Variants in SLC4A10 observed in about 807,000 individuals in gnomAD.
SLC4A10 encodes sodium-driven chloride bicarbonate exchanger.
Under a neutral mutation model 137.7 loss-of-function variants are expected in SLC4A10, and 42 were observed. The ratio of observed to expected loss-of-function variants is 0.30; its 90% confidence interval spans 0.24 to 0.39. The LOEUF (loss-of-function observed/expected upper bound fraction) is 0.39, where lower values mean the gene tolerates loss of function less well. Among genes scored for constraint, SLC4A10 ranks in the 10% least tolerant of loss-of-function variants. The pLI is 1.00. For synonymous variants in SLC4A10, 474 were observed against 464.1 expected (o/e 1.02, Z -0.27); for missense variants, 925 against 1,355.0 (o/e 0.68, Z 4.98).
chr2:161,916,600 G>T (rs62188842), intron 15 of SLC4A10, among the ~76,000 whole-genome samples: 10,217 of 152,228 alleles, frequency 0.067, 449 homozygotes, highest in East Asian at 0.13. Context: ...TTTAAGGTAT[G>T]GCTTCATCTG....
chr2:161,707,237 G>A (rs778709121), intron 1 of SLC4A10, among the ~76,000 whole-genome samples: 1 of 151,446 alleles, frequency 6.6e-6, no homozygotes, highest in Non-Finnish European at 1.5e-5. Context: ...GTTAGAGTCA[G>A]TAGTTTTTCT....
intron 1 of SLC4A10, among the ~76,000 whole-genome samples, chr2:161,759,707 A>C (rs2050041097): frequency 6.6e-6 from 1 of 151,940 alleles, no homozygotes; most frequent in Non-Finnish European, 1.5e-5. Flanking sequence ...TCTTTAAAAA[A>C]AATTTTGCTA....
At chr2:161,975,735 G>T (rs756414486) in intron 24 of SLC4A10, among the ~76,000 whole-genome samples, 1 of 152,172 alleles carries the variant, frequency 6.6e-6, no homozygotes, top group Admixed American at 6.5e-5. Flanking sequence ...TGAAAAGGCG[G>T]CATTTGAACA....
chr2:161,723,651 C>T (rs778114322), intron 1 of SLC4A10, among the ~76,000 whole-genome samples: 9 of 152,284 alleles, frequency 5.9e-5, no homozygotes, highest in East Asian at 1.9e-4. Context: ...TGATTTAAAT[C>T]GACTGTTGGT....
intron 15 of SLC4A10, among the ~76,000 whole-genome samples, chr2:161,942,437 T>C (rs184391210): frequency 1.6e-4 from 25 of 152,324 alleles, no homozygotes; most frequent in African/African-American, 5.5e-4. Flanking sequence ...ATCTTCAGAA[T>C]ATGAATTAAA....
intron 8 of SLC4A10, among the ~76,000 whole-genome samples, chr2:161,876,297 T>C (rs890533440): frequency 6.6e-6 from 1 of 152,194 alleles, no homozygotes; most frequent in Non-Finnish European, 1.5e-5. Context: ...TAGTTCAACC[T>C]AGATTCTCTA....
chr2:161,904,653 G>C, intron 13 of SLC4A10, 123 bp from the exon 14 acceptor site: 1 of 1,196,516 alleles, frequency 8.4e-7, no homozygotes, highest in Non-Finnish European at 1.2e-6. Flanking sequence ...GTCTTGCCCA[G>C]GGTTGCTAGA....
intron 1 of SLC4A10, among the ~76,000 whole-genome samples, chr2:161,748,472 G>C (rs2048618865): frequency 6.7e-6 from 1 of 150,204 alleles, no homozygotes; most frequent in Non-Finnish European, 1.5e-5. Flanking sequence ...GTGTGTGTGT[G>C]GTGTAAGATA....
At chr2:161,877,545 T>G (rs1171307350) in intron 8 of SLC4A10, among the ~76,000 whole-genome samples, 1 of 152,056 alleles carries the variant, frequency 6.6e-6, no homozygotes, top group East Asian at 1.9e-4. Flanking sequence ...ATGTGTACAT[T>G]TCTCCTAACT....
rs187007979 is a variant in SLC4A10, at chr2:161,820,603, G to C, written c.277+16008G>C. Among the ~76,000 whole-genome samples the C allele has an allele frequency of 1.7e-3, 257 of 152,274 alleles. 1 individual carries two copies. The highest frequency in any genetic ancestry group is 2.7e-3 in the Admixed American group (42 of 15,288). On this transcript the variant is annotated intron_variant, in intron 3 of 26. Coordinates refer to ENST00000446997, the MANE Select transcript of SLC4A10 (RefSeq NM_001178015.2). ...TGTTCTGTTTATGGAATTCACCAAT[G>C]TTTTTGATGTAGCTTCAGCCTATTC...
Position 161,976,778 on chromosome 2 carries a change from C to T in SLC4A10, c.3246C>T (p.Ile1082=). The T allele has an allele frequency of 6.3e-7, 1 of 1,589,410 alleles. No individual in the cohort carries two copies. Among genetic ancestry groups the T allele is most frequent in the Non-Finnish European group, 8.6e-7 (1 of 1,166,520 alleles). ...TGTCTAGAGATGATCCATCTGTGATCAATATATCTGATGAAATGTCAAAGA... is the reference window on the plus strand; with the variant it reads ...TGTCTAGAGATGATCCATCTGTGATTAATATATCTGATGAAATGTCAAAGA... ...EGHYRDDPSV[I]NISDEMSKTA... The change falls in exon 25 of 27, where the codon ATC becomes ATT. Residue 1082 remains isoleucine (I), a synonymous_variant. Transcript: ENST00000446997.
rs183532736 is a variant in SLC4A10 at position 161,891,129 on chromosome 2, C to T, written c.1195-3550C>T. 2.6e-5 allele frequency among the ~76,000 whole-genome samples: 4 copies of T among 152,284 alleles called. No homozygotes were observed. In the East Asian group the frequency reaches 5.8e-4, roughly 22 times the overall value. ...AGAATGTTGAATATTGGCCCCCACTCTCTTCTGGCATGTTGGGTTTCTGCA... is the reference window on the plus strand; with the variant it reads ...AGAATGTTGAATATTGGCCCCCACTTTCTTCTGGCATGTTGGGTTTCTGCA... On this transcript the variant is annotated intron_variant, in intron 10 of 26. Coordinates refer to ENST00000446997, the MANE Select transcript of SLC4A10 (RefSeq NM_001178015.2).
At chr2:161,708,746 G>A (rs1341480265) in intron 1 of SLC4A10, 2 of 1,530,970 alleles carry the variant, frequency 1.3e-6, no homozygotes, top group Admixed American at 4.0e-5. Flanking sequence ...TGTAAGACAG[G>A]AAATGCAGTC....
chr2:161,894,157 G>A (rs1177868407), intron 10 of SLC4A10, among the ~76,000 whole-genome samples: 1 of 151,834 alleles, frequency 6.6e-6, no homozygotes. Flanking sequence ...GTATCTGCAG[G>A]GAATCCTGGA....
intron 1 of SLC4A10, among the ~76,000 whole-genome samples, chr2:161,727,309 A>C (rs1238687048): frequency 2.0e-5 from 3 of 152,142 alleles, no homozygotes; most frequent in African/African-American, 7.2e-5. Context: ...TGTTCCCCCC[A>C]AAAAACAACT....
At chr2:161,664,117 T>C (rs1574203279) in intron 1 of SLC4A10, among the ~76,000 whole-genome samples, 1 of 151,972 alleles carries the variant, frequency 6.6e-6, no homozygotes, top group African/African-American at 2.4e-5. Flanking sequence ...ATGAAAAAAG[T>C]AGAAACAAGA....
At chr2:161,666,831 T>G (rs888180113) in intron 1 of SLC4A10, among the ~76,000 whole-genome samples, 4 of 109,878 alleles carry the variant, frequency 3.6e-5, no homozygotes, top group Non-Finnish European at 7.9e-5. Context: ...ATATTTCTGC[T>G]CATGTTAATG....
intron 23 of SLC4A10, among the ~76,000 whole-genome samples, chr2:161,968,038 C>A (rs887442985): frequency 6.7e-6 from 1 of 150,244 alleles, no homozygotes; most frequent in African/African-American, 2.4e-5. Context: ...CTCCTTAGAT[C>A]ATACTCATAC....
Position 161,790,409 on chromosome 2 carries a change from C to A in SLC4A10, c.131-14040C>A, listed in dbSNP as rs909948599. Reference sequence around the variant, plus strand: ...AAATGTTTTTTCTTTGAAAAAGAACCATTTATTTCTGGTATTATTAGTTGA... The same window carrying A: ...AAATGTTTTTTCTTTGAAAAAGAACAATTTATTTCTGGTATTATTAGTTGA... On this transcript the variant is annotated intron_variant, in intron 2 of 26. Coordinates refer to ENST00000446997, the MANE Select transcript of SLC4A10 (RefSeq NM_001178015.2). Among the ~76,000 whole-genome samples the A allele has an allele frequency of 1.2e-4, 19 of 152,104 alleles. No homozygotes were observed. The South Asian group carries it at 1.9e-3, about 15-fold the overall frequency.
Sources: allele counts gnomAD v4.1 joint callset (sites outside exome capture counted in the v4.1 genomes callset), GRCh38; gene constraint gnomAD v4.1.1; transcripts MANE v1.5; gene names NCBI Gene and HGNC (gene_info 2026-07-23, HGNC 2026-07-21).